NNMT: variants seen among roughly 807,000 people sequenced by gnomAD.
NNMT encodes the protein nicotinamide N-methyltransferase.
A neutral mutation model predicts 11.7 loss-of-function variants in NNMT; 10 were observed. The observed-to-expected ratio is 0.85, with a 90% CI of 0.53 to 1.45. The LOEUF (loss-of-function observed/expected upper bound fraction) is 1.45, where lower values mean the gene tolerates loss of function less well. Among genes scored for constraint, NNMT ranks in the 40% most tolerant of loss-of-function variants. The pLI is 0.00. For missense variants in NNMT, 381 were observed against 319.4 expected (o/e 1.19, Z -1.47); for synonymous variants, 143 against 133.8 (o/e 1.07, Z -0.48).
At chr11:114,309,249 C>T (rs1008380346) in intron 2 of NNMT, among the ~76,000 whole-genome samples, 11 of 152,166 alleles carry the variant, frequency 7.2e-5, no homozygotes, top group Admixed American at 7.2e-4. Flanking sequence ...CACACTTCTA[C>T]AGTGTTTTTC....
intron 2 of NNMT, among the ~76,000 whole-genome samples, chr11:114,290,767 G>T (rs535400711): frequency 4.6e-5 from 7 of 152,292 alleles, no homozygotes; most frequent in Admixed American, 4.6e-4. Context: ...CTAGTGGCAA[G>T]CTTTTAGTTT....
chr11:114,268,482 T>G (rs1481420491), intron 2 of NNMT, among the ~76,000 whole-genome samples: 1 of 152,056 alleles, frequency 6.6e-6, no homozygotes, highest in South Asian at 2.1e-4. Flanking sequence ...AAAAATATAC[T>G]ACAACAGACC....
At chr11:114,298,976 C>A (rs894502279) in intron 2 of NNMT, among the ~76,000 whole-genome samples, 1 of 152,214 alleles carries the variant, frequency 6.6e-6, no homozygotes, top group Non-Finnish European at 1.5e-5. Flanking sequence ...ACTCCTGGAG[C>A]AACATTTCTC....
chr11:114,281,021 G>A (rs1353540229), intron 2 of NNMT, among the ~76,000 whole-genome samples: 1 of 152,162 alleles, frequency 6.6e-6, no homozygotes, highest in Non-Finnish European at 1.5e-5. Context: ...AGAAGCTGAG[G>A]CCCAGGAAAG....
At chr11:114,266,893 G>A (rs1474557255) in intron 2 of NNMT, among the ~76,000 whole-genome samples, 2 of 152,228 alleles carry the variant, frequency 1.3e-5, no homozygotes, top group Non-Finnish European at 2.9e-5. Context: ...AAAACCATGA[G>A]CTGAATAAAC....
intron 2 of NNMT, chr11:114,298,414 TA>T: frequency 2.2e-6 from 1 of 445,620 alleles, no homozygotes; most frequent in Non-Finnish European, 4.1e-6. Context: ...CAAAGAGGAG[TA>T]AACCCCCAAA....
chr11:114,295,315 C>T (rs1183239001), upstream of NNMT, among the ~76,000 whole-genome samples: 1 of 151,800 alleles, frequency 6.6e-6, no homozygotes, highest in African/African-American at 2.4e-5. Context: ...GTTTTGTGAC[C>T]AGTGGGAATG....
chr11:114,281,430 C>T (rs1380155046), intron 2 of NNMT, among the ~76,000 whole-genome samples: 1 of 152,162 alleles, frequency 6.6e-6, no homozygotes, highest in South Asian at 2.1e-4. Context: ...TAGAGGAGGT[C>T]CATTAACCTA....
At position 114,312,152 on chromosome 11, in the gene NNMT, C is replaced by T. The variant is rs1005696954; in HGVS notation, c.470C>T (p.Ala157Val). The T allele has an allele frequency of 6.2e-7, 1 of 1,614,186 alleles. No individual in the cohort carries two copies. Among genetic ancestry groups the T allele is most frequent in the Non-Finnish European group, 8.5e-7 (1 of 1,180,006 alleles). Reference protein sequence around the residue: ...QPLGAVPLPPADCVLSTLCLD... With the variant: ...QPLGAVPLPPVDCVLSTLCLD... ...CTGGGGGCCGTCCCCTTACCCCCGGCTGACTGCGTGCTCAGCACACTGTGT... is the reference window on the plus strand; with the variant it reads ...CTGGGGGCCGTCCCCTTACCCCCGGTTGACTGCGTGCTCAGCACACTGTGT... The change falls in exon 3 of 3, where the codon GCT becomes GTT. Residue 157 changes from alanine to valine, a missense_variant. Physicochemically the swap from Ala to Val is moderately conservative, Grantham distance 64. Coordinates refer to ENST00000299964, the MANE Select transcript of NNMT (RefSeq NM_006169.3).
intron 2 of NNMT, among the ~76,000 whole-genome samples, chr11:114,302,131 A>C (rs150945426): frequency 1.6e-3 from 251 of 152,212 alleles, no homozygotes; most frequent in Admixed American, 3.5e-3. Flanking sequence ...TGGATTGTTT[A>C]GTCCATTTAC....
chr11:114,260,747 A>T (rs1039459986), intron 1 of NNMT, among the ~76,000 whole-genome samples: 6 of 152,310 alleles, frequency 3.9e-5, no homozygotes, highest in African/African-American at 1.4e-4. Flanking sequence ...GGACCCACGG[A>T]ACCAAGCACC....
intron 2 of NNMT, among the ~76,000 whole-genome samples, chr11:114,289,391 G>T (rs755128410): frequency 1.3e-5 from 2 of 152,030 alleles, no homozygotes; most frequent in African/African-American, 4.8e-5. Flanking sequence ...TGCTCTGCAG[G>T]ATTCTCTTCT....
At chr11:114,287,684 C>T (rs1441725316) in intron 2 of NNMT, among the ~76,000 whole-genome samples, 1 of 152,114 alleles carries the variant, frequency 6.6e-6, no homozygotes, top group Non-Finnish European at 1.5e-5. Flanking sequence ...GCAAGTCCTC[C>T]CACCTTATTT....
chr11:114,263,687 T>A (rs1012553830), intron 2 of NNMT, among the ~76,000 whole-genome samples: 1 of 152,202 alleles, frequency 6.6e-6, no homozygotes, highest in East Asian at 1.9e-4. Flanking sequence ...AGTCCCCCTT[T>A]AAAAGTCCCG....
chr11:114,307,839 T>C (rs532695547), intron 2 of NNMT, among the ~76,000 whole-genome samples: 2 of 152,044 alleles, frequency 1.3e-5, no homozygotes, highest in South Asian at 2.1e-4. Context: ...TCTATATCTC[T>C]GCTTGCCCGA....
At chr11:114,262,525 C>A (rs1309786167) in intron 1 of NNMT, among the ~76,000 whole-genome samples, 1 of 152,180 alleles carries the variant, frequency 6.6e-6, no homozygotes, top group Non-Finnish European at 1.5e-5. Context: ...ACCCTCCACA[C>A]CCCACTTTCA....
chr11:114,288,094 A>G (rs903616118), intron 2 of NNMT, among the ~76,000 whole-genome samples: 3 of 152,174 alleles, frequency 2.0e-5, no homozygotes, highest in Non-Finnish European at 2.9e-5. Flanking sequence ...ATATTTTGCT[A>G]AACTGTTATA....
At chr11:114,285,607 C>T (rs1286529709) in intron 2 of NNMT, among the ~76,000 whole-genome samples, 1 of 152,144 alleles carries the variant, frequency 6.6e-6, no homozygotes, top group African/African-American at 2.4e-5. Context: ...TATTAATTAC[C>T]AAGCACATGA....
At chr11:114,298,804 T>A (rs772560758) in intron 2 of NNMT, among the ~76,000 whole-genome samples, 2 of 152,246 alleles carry the variant, frequency 1.3e-5, no homozygotes, top group Middle Eastern at 3.2e-3. Flanking sequence ...GAATCTCATT[T>A]GTTCATGTAA....
Sources: gnomAD v4.1 joint callset for allele counts (sites outside exome capture counted in the v4.1 genomes callset) on GRCh38, gnomAD v4.1.1 for gene constraint, MANE v1.5 for transcripts, NCBI Gene and HGNC (gene_info 2026-07-23, HGNC 2026-07-21) for gene names.